The following RSAD2 variants were observed in gnomAD, a reference collection of about 807,000 sequenced individuals.
RSAD2 encodes the protein radical S-adenosyl methionine domain containing 2.
In RSAD2, 38 loss-of-function variants were observed where a neutral mutation model predicts 37.7. That is an observed-to-expected ratio of 1.01 (90% CI 0.78 to 1.32). The LOEUF (loss-of-function observed/expected upper bound fraction) is 1.32, where lower values mean the gene tolerates loss of function less well. Ranked by LOEUF, RSAD2 falls within the 40% of genes most tolerant of loss-of-function variation. The pLI, the probability that RSAD2 is intolerant of heterozygous loss-of-function variation, is 0.00. For synonymous variants in RSAD2, 163 were observed against 157.4 expected (o/e 1.04, Z -0.27); for missense variants, 428 against 437.5 (o/e 0.98, Z 0.19).
chr2:6,884,168 C>T (rs1663470663), intron 2 of RSAD2, among the ~76,000 whole-genome samples: 2 of 152,186 alleles, frequency 1.3e-5, no homozygotes, highest in South Asian at 4.1e-4. Context: ...TTTATATGAG[C>T]TGTTGGAGCC....
Position 6,890,161 on chromosome 2 carries a change from A to G in RSAD2, c.739-15A>G, listed in dbSNP as rs1663601363. 1 of 1,613,442 alleles carries G rather than the reference A, an allele frequency of 6.2e-7. No homozygotes were observed. Among genetic ancestry groups the G allele is most frequent in the African/African-American group, 1.3e-5 (1 of 74,908 alleles). ...GAAAGCTCTCTGCAAAGCAAACACT[A>G]CCATTGCCTTTCAGGTGTTCCAGTG... On this transcript the variant is annotated splice_polypyrimidine_tract_variant and intron_variant, in intron 3 of 5. Transcript: ENST00000382040.
chr2:6,894,295 CT>C (rs5829085), intron 5 of RSAD2, among the ~76,000 whole-genome samples: 88,140 of 151,694 alleles, frequency 0.58, 26,772 homozygotes, highest in East Asian at 0.75. Context: ...TTTCCTCTGT[CT>C]TTTTTTTTCT....
At chr2:6,887,738 C>T (rs1171938995) in intron 3 of RSAD2, among the ~76,000 whole-genome samples, 1 of 152,208 alleles carries the variant, frequency 6.6e-6, no homozygotes, top group East Asian at 1.9e-4. Flanking sequence ...CCTTTGACTG[C>T]TCGTCAGAAG....
intron 1 of RSAD2, among the ~76,000 whole-genome samples, chr2:6,878,385 C>T (rs1663330649): frequency 6.6e-6 from 1 of 152,102 alleles, no homozygotes; most frequent in African/African-American, 2.4e-5. Context: ...GTGGAGCAAA[C>T]CTGTCCCTCC....
chr2:6,891,525 TG>T (rs1199937988), intron 4 of RSAD2, among the ~76,000 whole-genome samples: 1 of 152,084 alleles, frequency 6.6e-6, no homozygotes, highest in Non-Finnish European at 1.5e-5. Context: ...CCCAGCACTT[TG>T]GGGGGCTGAG....
chr2:6,866,516 A>G, intron 1 of RSAD2: 1 of 982,822 alleles, frequency 1.0e-6, no homozygotes. Flanking sequence ...GGCACCTCGA[A>G]ATCGCCTTTC....
intron 5 of RSAD2, 107 bp from the exon 6 acceptor site, chr2:6,895,671 G>A: frequency 1.9e-6 from 2 of 1,026,608 alleles, no homozygotes; most frequent in Non-Finnish European, 2.8e-6. Flanking sequence ...AAAGATACCT[G>A]TCGACATGAC....
chr2:6,883,150 A>G (rs934846648), intron 1 of RSAD2, among the ~76,000 whole-genome samples: 1 of 152,148 alleles, frequency 6.6e-6, no homozygotes, highest in Non-Finnish European at 1.5e-5. Context: ...GAGCAAGTCT[A>G]TTCATCTGTG....
upstream of RSAD2, chr2:6,876,862 G>A (rs1663290997): frequency 6.6e-6 from 1 of 152,110 alleles, no homozygotes; most frequent in Non-Finnish European, 1.5e-5. Context: ...TGAAGAAATG[G>A]AAATCCAGAG....
At position 6,886,921 on chromosome 2, in the gene RSAD2, T is replaced by A. The variant is rs577731482; in HGVS notation, c.509-14T>A. On this transcript the variant is annotated splice_polypyrimidine_tract_variant and intron_variant, in intron 2 of 5. Coordinates refer to ENST00000382040, the MANE Select transcript of RSAD2 (RefSeq NM_080657.5). Reference sequence around the variant, plus strand: ...CTTGGATAGAAAAGTTTAAACATGATCATTTTCCCTCAGGTGAGTATTTGG... The same window carrying A: ...CTTGGATAGAAAAGTTTAAACATGAACATTTTCCCTCAGGTGAGTATTTGG... 8.1e-6 allele frequency: 13 copies of A among 1,603,756 alleles called. No homozygotes were observed. The African/African-American group carries it at 1.3e-4, about 17-fold the overall frequency.
At chr2:6,890,966 C>A (rs1663618971) in intron 4 of RSAD2, among the ~76,000 whole-genome samples, 2 of 151,686 alleles carry the variant, frequency 1.3e-5, no homozygotes. Flanking sequence ...TAATAAGGAA[C>A]CTCCTTATTA....
At chr2:6,865,930 G>A (rs1190770745) in exon 1 of RSAD2, 3 of 1,373,162 alleles carry the variant, frequency 2.2e-6, no homozygotes, top group East Asian at 7.3e-5. Context: ...GCCGGCGCTC[G>A]GGAGCAGACG....
chr2:6,872,607 G>T (rs1373980580), intron 1 of RSAD2, among the ~76,000 whole-genome samples: 2 of 152,146 alleles, frequency 1.3e-5, no homozygotes, highest in Admixed American at 1.3e-4. Context: ...TTGTCTTACA[G>T]TAAAATGACT....
intron 2 of RSAD2, among the ~76,000 whole-genome samples, chr2:6,884,724 C>T (rs1294689342): frequency 6.6e-6 from 1 of 152,104 alleles, no homozygotes. Flanking sequence ...AATAGGAAAG[C>T]ATGAAGACTG....
chr2:6,895,507 A>C (rs1663755751), intron 5 of RSAD2, among the ~76,000 whole-genome samples: 1 of 152,210 alleles, frequency 6.6e-6, no homozygotes, highest in Non-Finnish European at 1.5e-5. Flanking sequence ...CCCTTCCCCC[A>C]GTGGAACTAC....
chr2:6,878,368 G>A (rs6717319), intron 1 of RSAD2, among the ~76,000 whole-genome samples: 4,542 of 152,210 alleles, frequency 0.03, 228 homozygotes, highest in African/African-American at 0.1. Flanking sequence ...GCTGGAACAG[G>A]GGATTTGTGG....
chr2:6,865,961 T>G, exon 1 of RSAD2: 25 of 1,121,224 alleles, frequency 2.2e-5, no homozygotes, highest in East Asian at 9.4e-5. Context: ...GGGCCCCAGG[T>G]GCGCGGCTCC....
At position 6,890,182 on chromosome 2, in the gene RSAD2, C is replaced by T. The variant is rs199727950; in HGVS notation, c.745C>T (p.Gln249Ter). The T allele has an allele frequency of 1.9e-6, 3 of 1,614,052 alleles. No individual in the cohort carries two copies. The African/African-American group carries it at 4.0e-5, about 22-fold the overall frequency. ...CACTACCATTGCCTTTCAGGTGTTC[C>T]AGTGCCTCTTAATTGAGGGTGAGAA... ...ALNPVRWKVF[Q>*]CLLIEGENCG... The change falls in exon 4 of 6, where the codon CAG (glutamine) becomes TAG (stop). Residue 249 changes from glutamine to a stop codon, truncating the protein, a stop_gained. Coordinates refer to ENST00000382040, the MANE Select transcript of RSAD2 (RefSeq NM_080657.5). LOFTEE classifies it high-confidence loss of function.
intron 1 of RSAD2, among the ~76,000 whole-genome samples, chr2:6,880,195 C>A (rs1040313058): frequency 2.6e-5 from 4 of 152,016 alleles, no homozygotes; most frequent in Admixed American, 6.5e-5. Context: ...TGGAGGAAAA[C>A]TATTTTTTTG....
Sources: gnomAD v4.1 joint callset for allele counts (sites outside exome capture counted in the v4.1 genomes callset) on GRCh38, gnomAD v4.1.1 for gene constraint, MANE v1.5 for transcripts, NCBI Gene and HGNC (gene_info 2026-07-23, HGNC 2026-07-21) for gene names.